LRP6: variants seen among roughly 807,000 people sequenced by gnomAD.
LRP6 encodes the protein LDL receptor related protein 6.
In LRP6, 43 loss-of-function variants were observed where a neutral mutation model predicts 184.1. The ratio of observed to expected loss-of-function variants is 0.23; its 90% CI spans 0.18 to 0.30. The LOEUF (loss-of-function observed/expected upper bound fraction) is 0.30. LRP6 is among the 10% of genes least tolerant of loss of function. The probability of loss-of-function intolerance (pLI) is 1.00; values close to 1 mark genes in which losing one functional copy is unlikely to be tolerated. For missense variants in LRP6, 1,571 were observed against 2,005.3 expected, an observed-to-expected ratio of 0.78 and a Z score of 4.14; for synonymous variants, 719 against 684.9, an observed-to-expected ratio of 1.05 and a Z score of -0.78.
At chr12:12,250,651 C>A (rs1814502448) in intron 1 of LRP6, among the ~76,000 whole-genome samples, 1 of 152,300 alleles carries the variant, frequency 6.6e-6, no homozygotes, top group East Asian at 1.9e-4. Flanking sequence ...GAGACAAAGT[C>A]TCACTGTGTC....
chr12:12,222,016 T>C (rs115006577), intron 2 of LRP6, among the ~76,000 whole-genome samples: 2,408 of 152,244 alleles, frequency 0.016, 55 homozygotes, highest in African/African-American at 0.055. Flanking sequence ...TGCAAGACCA[T>C]ATAGGGGAAC....
At chr12:12,160,026 T>C in intron 10 of LRP6, 62 bp from the exon 11 acceptor site, 1 of 1,216,228 alleles carries the variant, frequency 8.2e-7, no homozygotes, top group Non-Finnish European at 1.2e-6. Flanking sequence ...GAAAGAGTCA[T>C]ATTCATGCAA....
rs541737478 is a variant in LRP6 at position 12,222,341 on chromosome 12, G to A, written c.450-18941C>T. ...AGCACTTTGGGAGGTCGAGGCGGGC[G>A]GATCACCTGAGGTCAGGAGTTCAAG... On this transcript the variant is annotated intron_variant, in intron 2 of 22. Transcript: ENST00000261349. 5.3e-5 allele frequency among the ~76,000 whole-genome samples: 8 copies of A among 152,012 alleles called. No individual in the cohort carries two copies. In the East Asian group the frequency reaches 7.7e-4, roughly 15 times the overall value.
intron 2 of LRP6, among the ~76,000 whole-genome samples, chr12:12,204,492 T>C (rs1055816359): frequency 2.0e-5 from 3 of 152,156 alleles, no homozygotes; most frequent in Non-Finnish European, 4.4e-5. Context: ...ATGCTAATTG[T>C]ATTGTAGTTA....
intron 2 of LRP6, among the ~76,000 whole-genome samples, chr12:12,205,342 AAAAAAAAAAAAAAAG>A (rs1864029327): frequency 6.9e-6 from 1 of 143,948 alleles, no homozygotes; most frequent in Admixed American, 6.7e-5. Context: ...AAAAAAAAAA[AAAAAAAAAAAAAAAG>A]AGGTAATGAG....
chr12:12,256,523 CAT>C (rs1865469542), intron 1 of LRP6, among the ~76,000 whole-genome samples: 2 of 149,132 alleles, frequency 1.3e-5, no homozygotes, highest in Non-Finnish European at 3.0e-5. Context: ...AACAAACAAA[CAT>C]AGGCCAGAGT....
chr12:12,192,155 GA>G (rs1863635831), intron 3 of LRP6, among the ~76,000 whole-genome samples: 1 of 151,988 alleles, frequency 6.6e-6, no homozygotes, highest in South Asian at 2.1e-4. Context: ...GAAAGGATGG[GA>G]GAGAGAATGG....
At chr12:12,146,600 G>A (rs1241220370) in intron 15 of LRP6, among the ~76,000 whole-genome samples, 1 of 152,208 alleles carries the variant, frequency 6.6e-6, no homozygotes, top group African/African-American at 2.4e-5. Flanking sequence ...TAAACGCCAC[G>A]ATGAGGTTGT....
chr12:12,222,699 A>G (rs1043805967), intron 2 of LRP6, among the ~76,000 whole-genome samples: 5 of 152,156 alleles, frequency 3.3e-5, no homozygotes, highest in Non-Finnish European at 7.3e-5. Context: ...CTATATATAC[A>G]TACTTATGAC....
chr12:12,221,167 A>G (rs75253855), intron 2 of LRP6, among the ~76,000 whole-genome samples: 6,280 of 152,318 alleles, frequency 0.041, 180 homozygotes, highest in Middle Eastern at 0.16. Context: ...ATTTAAAACA[A>G]CATCTTGATG....
Position 12,135,346 on chromosome 12 carries a change from G to A in LRP6, c.3608-46C>T, listed in dbSNP as rs760961439. 5.8e-6 allele frequency: 8 copies of A among 1,387,424 alleles called. No homozygotes were observed. The East Asian group carries it at 1.6e-4, about 28-fold the overall frequency. 85.9% of individuals were successfully genotyped at this position (1,387,424 alleles called of 1,614,324 possible). A position where few individuals can be genotyped will look rare whatever the true frequency, so the allele number is the denominator to read the frequency against. ...GATGGGGAGAGGAGGGGGAGTGGAG[G>A]GGGAGAGAAGTGGGAGAGAAGAGAA... is the stretch of plus-strand genomic sequence containing the variant. On this transcript the variant is annotated intron_variant, in intron 16 of 22. Coordinates refer to ENST00000261349, the MANE Select transcript of LRP6 (RefSeq NM_002336.3).
intron 3 of LRP6, among the ~76,000 whole-genome samples, chr12:12,187,982 T>A (rs1447368553): frequency 6.6e-6 from 1 of 151,368 alleles, no homozygotes; most frequent in African/African-American, 2.4e-5. Flanking sequence ...GAGGCCGAGG[T>A]GGGTGGATCA....
At chr12:12,264,828 C>T (rs1051668540) in intron 1 of LRP6, among the ~76,000 whole-genome samples, 1 of 152,170 alleles carries the variant, frequency 6.6e-6, no homozygotes, top group South Asian at 2.1e-4. Context: ...CACCATATTT[C>T]GCCACATTTA....
intron 16 of LRP6, 29 bp from the exon 17 acceptor site, chr12:12,135,329 G>C (rs371740508): frequency 5.1e-6 from 8 of 1,559,428 alleles, no homozygotes; most frequent in Non-Finnish European, 6.2e-6. Context: ...AGGATGGGGA[G>C]AGGAGGGGGA....
intron 12 of LRP6, chr12:12,155,699 A>C (rs1950142396): frequency 1.0e-6 from 1 of 966,656 alleles, no homozygotes; most frequent in Admixed American, 1.7e-5. Flanking sequence ...CCACCCAGAG[A>C]AGCATATTTT....
intron 7 of LRP6, among the ~76,000 whole-genome samples, chr12:12,177,059 G>A (rs1260539489): frequency 6.6e-6 from 1 of 151,948 alleles, no homozygotes; most frequent in Admixed American, 6.6e-5. Flanking sequence ...TGTTGGCCAG[G>A]CTGGTCTCGA....
intron 2 of LRP6, among the ~76,000 whole-genome samples, chr12:12,219,280 C>T (rs1385959161): frequency 6.6e-6 from 1 of 152,196 alleles, no homozygotes; most frequent in African/African-American, 2.4e-5. Context: ...TCTCGGCTCA[C>T]TGCAACCTCC....
chr12:12,214,406 A>G (rs1864287250), intron 2 of LRP6, among the ~76,000 whole-genome samples: 1 of 152,220 alleles, frequency 6.6e-6, no homozygotes, highest in Non-Finnish European at 1.5e-5. Flanking sequence ...ACAATGTGCC[A>G]TTCAAAGGCC....
At chr12:12,173,796 A>T (rs1863106359) in intron 7 of LRP6, among the ~76,000 whole-genome samples, 1 of 152,162 alleles carries the variant, frequency 6.6e-6, no homozygotes, top group Non-Finnish European at 1.5e-5. Flanking sequence ...ATCAACTAGC[A>T]ATTTTCAAAT....
Sources: allele counts gnomAD v4.1 joint callset (sites outside exome capture counted in the v4.1 genomes callset), GRCh38; gene constraint gnomAD v4.1.1; transcripts MANE v1.5; gene names NCBI Gene and HGNC (gene_info 2026-07-23, HGNC 2026-07-21).